The following LRRK2 variants were observed in gnomAD, a reference collection of about 807,000 sequenced individuals.
LRRK2 encodes leucine rich repeat kinase 2.
In LRRK2, 203 loss-of-function variants were observed where a neutral mutation model predicts 302.6. The ratio of observed to expected loss-of-function variants is 0.67; its 90% CI spans 0.60 to 0.75. The LOEUF is 0.75. Among genes scored for constraint, LRRK2 ranks in the 30% least tolerant of loss-of-function variants. The pLI, the probability that LRRK2 is intolerant of heterozygous loss-of-function variation, is 0.00. For missense variants in LRRK2, 2,830 were observed against 2,951.0 expected (o/e 0.96, Z 0.95); for synonymous variants, 1,066 against 1,031.9 (o/e 1.03, Z -0.63).
intron 1 of LRRK2, 77 bp downstream of exon 1, chr12:40,225,359 C>G: frequency 1.9e-6 from 3 of 1,542,224 alleles, no homozygotes; most frequent in Non-Finnish European, 2.7e-6. Flanking sequence ...ATTTTGTCCT[C>G]CTCCCCTTGA....
chr12:40,290,601 T>G (rs548914280), intron 20 of LRRK2, among the ~76,000 whole-genome samples: 1 of 152,124 alleles, frequency 6.6e-6, no homozygotes, highest in South Asian at 2.1e-4. Flanking sequence ...TTTCTTTTAC[T>G]TCTTAAGTCA....
rs759219597 is a variant in LRRK2 at position 40,243,606 on chromosome 12, G to A, written c.763G>A (p.Glu255Lys). Residue 255 changes from glutamate to lysine, a missense_variant, in exon 7 of 51, where the codon GAA becomes AAA. Physicochemically the swap from Glu to Lys is moderately conservative, Grantham distance 56 (BLOSUM62 1). Coordinates refer to ENST00000298910, the MANE Select transcript of LRRK2 (RefSeq NM_198578.4). ...TGTCAGGTGTTATAATATTGTGGTGGAAGCTATGAAAGCATTCCCTATGAG... is the reference window on the plus strand; with the variant it reads ...TGTCAGGTGTTATAATATTGTGGTGAAAGCTATGAAAGCATTCCCTATGAG... ...GNVRCYNIVV[E>K]AMKAFPMSER... is the part of the protein sequence containing the mutation. The A allele has an allele frequency of 7.4e-6, 12 of 1,612,108 alleles. No individual in the cohort carries two copies. The East Asian group carries it at 1.3e-4, about 18-fold the overall frequency.
At chr12:40,237,514 G>T (rs775734362) in intron 4 of LRRK2, among the ~76,000 whole-genome samples, 3 of 152,176 alleles carry the variant, frequency 2.0e-5, no homozygotes, top group Non-Finnish European at 2.9e-5. Flanking sequence ...TGCTTGGATA[G>T]AGAATGAGAA....
rs751913970 is a variant in LRRK2 at position 40,259,607 on chromosome 12, A to C, written c.1543+3A>C. 6.2e-7 allele frequency: 1 copy of C among 1,612,900 alleles called. No individual in the cohort carries two copies. Among genetic ancestry groups the C allele is most frequent in the Non-Finnish European group, 8.5e-7 (1 of 1,179,110 alleles). Reference sequence around the variant, plus strand: ...TATTTTACATTTTATAGTGCCTGGTAAGTTACATAGTTGATTGTGGGAAGA... The same window carrying C: ...TATTTTACATTTTATAGTGCCTGGTCAGTTACATAGTTGATTGTGGGAAGA... On this transcript the variant is annotated splice_donor_region_variant and intron_variant, in intron 13 of 50. Transcript: ENST00000298910.
At chr12:40,232,071 A>C (rs937766535) in intron 2 of LRRK2, among the ~76,000 whole-genome samples, 2 of 151,934 alleles carry the variant, frequency 1.3e-5, no homozygotes, top group Admixed American at 6.6e-5. Flanking sequence ...TTCTGGTATG[A>C]TTTTTGGAGA....
intron 46 of LRRK2, among the ~76,000 whole-genome samples, chr12:40,357,438 C>T (rs1344011981): frequency 6.6e-6 from 1 of 152,064 alleles, no homozygotes; most frequent in African/African-American, 2.4e-5. Flanking sequence ...TACTGATTCC[C>T]TTTCCTTTAG....
At chr12:40,256,827 G>A (rs982464991) in intron 11 of LRRK2, among the ~76,000 whole-genome samples, 7 of 152,188 alleles carry the variant, frequency 4.6e-5, no homozygotes, top group Non-Finnish European at 8.8e-5. Context: ...AGCATATCTG[G>A]TTAGTCTTAG....
At chr12:40,334,841 G>A (rs1360727522) in intron 39 of LRRK2, 126 bp from the exon 40 acceptor site, 1 of 1,109,040 alleles carries the variant, frequency 9.0e-7, no homozygotes, top group African/African-American at 1.5e-5. Flanking sequence ...AGAAGAAATG[G>A]AAAGTTTGCT....
intron 41 of LRRK2, among the ~76,000 whole-genome samples, chr12:40,340,727 C>T (rs1436208266): frequency 6.6e-6 from 1 of 152,152 alleles, no homozygotes; most frequent in Non-Finnish European, 1.5e-5. Flanking sequence ...TTTGTAGATT[C>T]TTTAGATACT....
chr12:40,289,680 T>A (rs1210110031), intron 20 of LRRK2, among the ~76,000 whole-genome samples: 1 of 151,542 alleles, frequency 6.6e-6, no homozygotes, highest in Non-Finnish European at 1.5e-5. Flanking sequence ...TTGTATTGGA[T>A]GTTTTCTGAT....
intron 48 of LRRK2, among the ~76,000 whole-genome samples, chr12:40,364,432 G>T (rs1464773010): frequency 6.6e-6 from 1 of 151,766 alleles, no homozygotes; most frequent in Non-Finnish European, 1.5e-5. Context: ...TCAGTGGTTT[G>T]TATCGATATC....
Position 40,257,354 on chromosome 12 carries a change from G to A in LRRK2, c.1395G>A (p.Met465Ile). The A allele has an allele frequency of 6.2e-7, 1 of 1,612,876 alleles. No individual in the cohort carries two copies. Among genetic ancestry groups the A allele is most frequent in the Non-Finnish European group, 8.5e-7 (1 of 1,179,228 alleles). Residue 465 changes from methionine (M) to isoleucine (I), a missense_variant, in exon 12 of 51, where the codon ATG (methionine) becomes ATA (isoleucine). Met to Ile is a conservative substitution (Grantham distance 10). Coordinates refer to ENST00000298910, the MANE Select transcript of LRRK2 (RefSeq NM_198578.4). ...AAGTGGCTGAAAGTGGCTGTAAAAT[G>A]CTAAATCATCTTTTTGAAGGAAGGT... The part of the protein sequence containing the change: ...SPEVAESGCK[M>I]LNHLFEGSNT...
At chr12:40,350,615 TTTTAAC>T (rs1374277050) in intron 43 of LRRK2, among the ~76,000 whole-genome samples, 1 of 152,148 alleles carries the variant, frequency 6.6e-6, no homozygotes, top group Non-Finnish European at 1.5e-5. Flanking sequence ...ATTGGAAAAG[TTTTAAC>T]TTTAAGTATT....
intron 14 of LRRK2, among the ~76,000 whole-genome samples, chr12:40,267,259 C>T (rs564221890): frequency 7.9e-5 from 12 of 152,302 alleles, no homozygotes; most frequent in Admixed American, 3.3e-4. Flanking sequence ...CCACAGTTGC[C>T]GCGTCCTGAG....
At position 40,284,137 on chromosome 12, in the gene LRRK2, A is replaced by G. The variant is rs201910216; in HGVS notation, c.2500+4A>G. On this transcript the variant is annotated splice_donor_region_variant and intron_variant, in intron 19 of 50. Transcript: ENST00000298910. Reference sequence around the variant, plus strand: ...TCTAATTTAAGGAAACAAACAAGTAAGTAACAAGGAGAATATTTTTTACAA... The same window carrying G: ...TCTAATTTAAGGAAACAAACAAGTAGGTAACAAGGAGAATATTTTTTACAA... The G allele has an allele frequency of 3.1e-6, 5 of 1,600,526 alleles. No homozygotes were observed. In the African/African-American group the frequency reaches 6.7e-5, roughly 21 times the overall value.
At chr12:40,318,280 T>C (rs1351522418) in intron 33 of LRRK2, among the ~76,000 whole-genome samples, 1 of 152,054 alleles carries the variant, frequency 6.6e-6, no homozygotes, top group Non-Finnish European at 1.5e-5. Context: ...GGGATGGAAA[T>C]GATGTGTCCA....
chr12:40,311,270 T>G (rs1945027749), intron 31 of LRRK2, among the ~76,000 whole-genome samples: 1 of 152,192 alleles, frequency 6.6e-6, no homozygotes, highest in African/African-American at 2.4e-5. Context: ...AGGAATTATG[T>G]TTTAAATGTT....
At chr12:40,332,956 C>A (rs1945756345) in intron 39 of LRRK2, among the ~76,000 whole-genome samples, 1 of 52,888 alleles carries the variant, frequency 1.9e-5, no homozygotes, top group Non-Finnish European at 4.2e-5. Flanking sequence ...TGTGCTTCTT[C>A]TCTTAAAAAA....
At position 40,263,027 on chromosome 12, in the gene LRRK2, T is replaced by C. The variant is rs144981794; in HGVS notation, c.1544-762T>C. Among the ~76,000 whole-genome samples, 334 of 152,366 alleles carry C rather than the reference T, an allele frequency of 2.2e-3. 1 individual carries two copies. The highest frequency in any genetic ancestry group is 7.8e-3 in the African/African-American group (323 of 41,590). On this transcript the variant is annotated intron_variant, in intron 13 of 50. Transcript: ENST00000298910. ...TGGCATGTAATTGGAATTCAGATGC[T>C]TCTTAAATAAATGAAAAGCCTGTTG...
Sources: allele counts gnomAD v4.1 joint callset (sites outside exome capture counted in the v4.1 genomes callset), GRCh38; gene constraint gnomAD v4.1.1; transcripts MANE v1.5; gene names NCBI Gene and HGNC (gene_info 2026-07-23, HGNC 2026-07-21).